Variants in NANOS3 observed in about 807,000 individuals in gnomAD.
NANOS3 encodes nanos C2HC-type zinc finger 3, also known as nanos homolog 3.
In NANOS3, 11 loss-of-function variants were observed where a neutral mutation model predicts 13.8. The ratio of observed to expected loss-of-function variants is 0.80; its 90% CI spans 0.50 to 1.32. NANOS3 has a LOEUF of 1.32. NANOS3 is among the 40% of genes most tolerant of loss of function. The pLI is 0.00. For missense variants in NANOS3, 221 were observed against 263.8 expected (o/e 0.84, Z 1.12); for synonymous variants, 119 against 115.4 (o/e 1.03, Z -0.20).
At chr19:13,864,814 CG>C (rs1010457552), upstream of NANOS3, among the ~76,000 whole-genome samples, 53 of 152,204 alleles carry the variant, frequency 3.5e-4, no homozygotes, top group African/African-American at 1.2e-3. Context: ...CTGGTGCCCC[CG>C]GGTGTCCCTC....
At chr19:13,864,155 C>T (rs1976196877), upstream of NANOS3, among the ~76,000 whole-genome samples, 1 of 151,876 alleles carries the variant, frequency 6.6e-6, no homozygotes, top group South Asian at 2.1e-4. Context: ...TGTGTGGAGC[C>T]TCAGCCAGGG....
upstream of NANOS3, among the ~76,000 whole-genome samples, chr19:13,863,218 CT>C (rs780260657): frequency 1.3e-5 from 2 of 151,800 alleles, no homozygotes; most frequent in Non-Finnish European, 2.9e-5. Context: ...CCAATACGCT[CT>C]TTTTTTTAGA....
chr19:13,866,710 A>T (rs1452902603), intron 1 of NANOS3, among the ~76,000 whole-genome samples: 1 of 152,186 alleles, frequency 6.6e-6, no homozygotes, highest in East Asian at 1.9e-4. Context: ...ACAGCATGTC[A>T]CTCAGGGTAG....
upstream of NANOS3, among the ~76,000 whole-genome samples, chr19:13,874,096 C>A (rs1193010294): frequency 6.6e-6 from 1 of 152,078 alleles, no homozygotes; most frequent in African/African-American, 2.4e-5. Context: ...GCACGCGGGG[C>A]GAGCGGCGCC....
upstream of NANOS3, chr19:13,874,653 T>C (rs1474859553): frequency 2.0e-6 from 1 of 512,600 alleles, no homozygotes; most frequent in Admixed American, 2.0e-5. Context: ...TCCCTCTTCA[T>C]GCTCTCTGGT....
Position 13,878,089 on chromosome 19 carries a change from C to T in NANOS3, c.517+324C>T, listed in dbSNP as rs546794821. Among the ~76,000 whole-genome samples the T allele has an allele frequency of 3.3e-5, 5 of 151,932 alleles. No individual in the cohort carries two copies. In the East Asian group the frequency reaches 7.8e-4, roughly 24 times the overall value. The stretch of plus-strand genomic sequence containing the variant: ...ACACCCGGCTAATTGCCACCATGCC[C>T]GGCTAAATTTTGTATTTTTAGTAGA... On this transcript the variant is annotated intron_variant, in intron 1 of 1. Transcript: ENST00000339133.
At chr19:13,865,733 G>C (rs1976226581) in intron 1 of NANOS3, among the ~76,000 whole-genome samples, 1 of 151,328 alleles carries the variant, frequency 6.6e-6, no homozygotes, top group Non-Finnish European at 1.5e-5. Context: ...GGGGCCGCCA[G>C]GGGGAGGGCA....
In NANOS3 at chr19:13,877,782, C is replaced by G; in HGVS notation, c.517+17C>G. 1 of 1,538,752 alleles carries G rather than the reference C, an allele frequency of 6.5e-7. No homozygotes were observed. The highest frequency in any genetic ancestry group is 8.7e-7 in the Non-Finnish European group (1 of 1,145,692). Reference sequence around the variant, plus strand: ...GAGGAGCAGGTGCCTGCACAGGTGGCTGGGGGGGACCTGTCCGAGGGTAGT... The same window carrying G: ...GAGGAGCAGGTGCCTGCACAGGTGGGTGGGGGGGACCTGTCCGAGGGTAGT... On this transcript the variant is annotated intron_variant, in intron 1 of 1. Coordinates refer to ENST00000339133, the MANE Select transcript of NANOS3 (RefSeq NM_001098622.3).
At chr19:13,873,418 G>C (rs539643236), upstream of NANOS3, among the ~76,000 whole-genome samples, 6 of 152,096 alleles carry the variant, frequency 3.9e-5, no homozygotes, top group South Asian at 1.2e-3. Context: ...TATGCCAGGC[G>C]GTTATTTTGG....
At chr19:13,869,289 C>T (rs186187683) in intron 1 of NANOS3, among the ~76,000 whole-genome samples, 7 of 152,266 alleles carry the variant, frequency 4.6e-5, no homozygotes, top group African/African-American at 1.2e-4. Context: ...GTTGGGACTA[C>T]GGGCATGAGC....
At chr19:13,874,179 C>G (rs1401052377), upstream of NANOS3, among the ~76,000 whole-genome samples, 2 of 152,272 alleles carry the variant, frequency 1.3e-5, no homozygotes, top group Admixed American at 6.5e-5. Flanking sequence ...GACCTGACGA[C>G]CCCCCACCCC....
upstream of NANOS3, among the ~76,000 whole-genome samples, chr19:13,873,197 G>C (rs1968430469): frequency 1.3e-5 from 2 of 151,658 alleles, no homozygotes; most frequent in African/African-American, 4.8e-5. Flanking sequence ...CTGGGGAACA[G>C]GTCAAAAGCG....
At chr19:13,865,838 C>T (rs1351986641) in intron 1 of NANOS3, among the ~76,000 whole-genome samples, 1 of 147,114 alleles carries the variant, frequency 6.8e-6, no homozygotes, top group East Asian at 2.1e-4. Flanking sequence ...GCGGGGAGGC[C>T]ACGGGCCGGG....
At chr19:13,867,686 C>T (rs768348489) in intron 1 of NANOS3, among the ~76,000 whole-genome samples, 11 of 152,010 alleles carry the variant, frequency 7.2e-5, no homozygotes, top group African/African-American at 1.7e-4. Flanking sequence ...ATTAGCCTCC[C>T]GAGTAGCAGG....
At chr19:13,874,973 CTG>C, upstream of NANOS3, 1 of 527,834 alleles carries the variant, frequency 1.9e-6, no homozygotes, top group Admixed American at 2.0e-5. Context: ...ATGAATGTCA[CTG>C]TGGCTGGGCC....
intron 1 of NANOS3, among the ~76,000 whole-genome samples, chr19:13,865,589 G>A (rs1421629174): frequency 6.7e-6 from 1 of 148,164 alleles, no homozygotes; most frequent in Non-Finnish European, 1.5e-5. Flanking sequence ...CTGCGGCCCG[G>A]CCCTCCATTG....
At chr19:13,868,111 TG>T (rs1599298469) in intron 1 of NANOS3, among the ~76,000 whole-genome samples, 1 of 150,868 alleles carries the variant, frequency 6.6e-6, no homozygotes, top group East Asian at 2.0e-4. Flanking sequence ...CAGGCTGGAG[TG>T]CAGTGACACA....
upstream of NANOS3, among the ~76,000 whole-genome samples, chr19:13,876,184 G>A (rs1968505945): frequency 6.6e-6 from 1 of 152,198 alleles, no homozygotes. Context: ...TGTTTCCCAG[G>A]CTGGAGTGCA....
At position 13,877,411 on chromosome 19, in the gene NANOS3, G is replaced by C. The variant is rs747066853; in HGVS notation, c.163G>C (p.Val55Leu). Residue 55 changes from valine to leucine, a missense_variant, in exon 1 of 2, where the codon GTG becomes CTG. This residue lies in a region of NANOS3 where 112 missense variants were observed against 116.3 expected (regional missense o/e 0.96). Coordinates refer to ENST00000339133, the MANE Select transcript of NANOS3 (RefSeq NM_001098622.3). ...ALEPMPAPES[V>L]PVPGPKDQKR... is the part of the protein sequence containing the mutation. ...GGAGCCGATGCCAGCGCCGGAGTCGGTGCCAGTGCCGGGACCCAAGGATCA... is the reference window on the plus strand; with the variant it reads ...GGAGCCGATGCCAGCGCCGGAGTCGCTGCCAGTGCCGGGACCCAAGGATCA... The C allele has an allele frequency of 6.2e-7, 1 of 1,610,982 alleles. No homozygotes were observed. Among genetic ancestry groups the C allele is most frequent in the African/African-American group, 1.4e-5 (1 of 74,062 alleles).
Sources: gnomAD v4.1 joint callset for allele counts (sites outside exome capture counted in the v4.1 genomes callset) on GRCh38, gnomAD v4.1.1 for gene constraint, gnomAD v4.1.1 regional missense constraint, MANE v1.5 for transcripts, NCBI Gene and HGNC (gene_info 2026-07-23, HGNC 2026-07-21) for gene names.